EHMT1: variants seen among roughly 807,000 people sequenced by gnomAD.
EHMT1 encodes the protein histone-lysine N-methyltransferase EHMT1.
In EHMT1, 15 loss-of-function variants were observed where a neutral mutation model predicts 147.2. The observed-to-expected ratio is 0.10, with a 90% CI of 0.07 to 0.16. The LOEUF is 0.16. Among genes scored for constraint, EHMT1 ranks in the 10% least tolerant of loss-of-function variants. The probability of loss-of-function intolerance (pLI) is 1.00; values close to 1 mark genes in which losing one functional copy is unlikely to be tolerated. For missense variants in EHMT1, 1,587 were observed against 1,772.4 expected (o/e 0.90, Z 1.88); for synonymous variants, 795 against 709.6 (o/e 1.12, Z -1.91).
chr9:137,816,096 C>G (rs749332580), intron 23 of EHMT1, 34 bp downstream of exon 23: 2 of 1,577,482 alleles, frequency 1.3e-6, no homozygotes, highest in Non-Finnish European at 1.7e-6. Flanking sequence ...GCCCCACATT[C>G]TGCTCGTATT....
chr9:137,740,929 A>C (rs1314289823), intron 4 of EHMT1, among the ~76,000 whole-genome samples: 1 of 150,244 alleles, frequency 6.7e-6, no homozygotes, highest in East Asian at 1.9e-4. Context: ...CAGACTCCTC[A>C]GTAGCTGGGA....
rs532983728 is a variant in EHMT1, at chr9:137,782,001, A to G, written c.2276-290A>G. On this transcript the variant is annotated intron_variant, in intron 14 of 26. Transcript: ENST00000460843. This position sits in a 1 kb window ranked among gnomAD's most constrained non-coding sequence, Gnocchi z 5.7. ...GGCCTGGGGCGGCCATGGCCAGGCC[A>G]CACAGAAACACAGAAGGAACCTCAG... is the stretch of plus-strand genomic sequence containing the variant. 6.6e-6 allele frequency among the ~76,000 whole-genome samples: 1 copy of G among 152,286 alleles called. No homozygotes were observed. Among genetic ancestry groups the G allele is most frequent in the East Asian group, 1.9e-4 (1 of 5,178 alleles).
In EHMT1 at chr9:137,776,690, A is replaced by C. The variant is rs771385806; in HGVS notation, c.1864A>C (p.Asn622His). ...RFHKDCASRV[N>H]NASYCPHCGE... ...CCACAAAGACTGTGCCTCTCGAGTC[A>C]ATAACGCCAGCTATTGTCCCCACTG... The change falls in exon 12 of 27, where the codon AAT becomes CAT. Residue 622 changes from asparagine to histidine, a missense_variant. Physicochemically the swap from Asn to His is moderately conservative, Grantham distance 68. Coordinates refer to ENST00000460843, the MANE Select transcript of EHMT1 (RefSeq NM_024757.5). The surrounding 1 kb of genome is among the most constrained non-coding windows in gnomAD (Gnocchi z 4.4). 1 of 1,614,178 alleles carries C rather than the reference A, an allele frequency of 6.2e-7. No homozygotes were observed. Among genetic ancestry groups the C allele is most frequent in the South Asian group, 1.1e-5 (1 of 91,084 alleles).
chr9:137,666,607 A>G (rs1939681507), intron 1 of EHMT1, among the ~76,000 whole-genome samples: 1 of 152,214 alleles, frequency 6.6e-6, no homozygotes, highest in African/African-American at 2.4e-5. Context: ...CAGAAAAGGA[A>G]ATCTGTCCGC....
chr9:137,777,842 C>T lies in EHMT1; in HGVS notation c.2019-40C>T, dbSNP rs73576128. 15,099 of 1,609,644 alleles carry T rather than the reference C, an allele frequency of 9.4e-3. 1,179 individuals are homozygous for T. In the African/African-American group the frequency reaches 0.17, roughly 18 times the overall value. ...GTCAGAGTCGGAACAGGCCATGTTT[C>T]GTGTTTTCATAAACCTTTCCCCGAT... On this transcript the variant is annotated intron_variant, in intron 12 of 26. Coordinates refer to ENST00000460843, the MANE Select transcript of EHMT1 (RefSeq NM_024757.5).
chr9:137,719,694 C>T (rs1945738180), intron 3 of EHMT1, among the ~76,000 whole-genome samples: 1 of 152,208 alleles, frequency 6.6e-6, no homozygotes, highest in Non-Finnish European at 1.5e-5. Context: ...AGGATGCTGA[C>T]ATTGGTAAAG....
chr9:137,784,309 C>A, intron 15 of EHMT1: 4 of 1,409,756 alleles, frequency 2.8e-6, no homozygotes, highest in Non-Finnish European at 3.7e-6. Flanking sequence ...GCTCCATCTT[C>A]ACAGCCTCGT....
At position 137,786,651 on chromosome 9, in the gene EHMT1, C is replaced by T. The variant is rs539454634; in HGVS notation, c.2383-4197C>T. On this transcript the variant is annotated intron_variant, in intron 15 of 26. Coordinates refer to ENST00000460843, the MANE Select transcript of EHMT1 (RefSeq NM_024757.5). The surrounding 1 kb of genome is among the most constrained non-coding windows in gnomAD (Gnocchi z 4.3). ...ATCTCCCTCCAGCTCCAGTCTTGGT[C>T]GTGTGGCGTCATCTCTCCCTCCGGC... is the stretch of plus-strand genomic sequence containing the variant. The T allele has an allele frequency of 7.8e-5, 12 of 154,220 alleles. No homozygotes were observed. Among genetic ancestry groups the T allele is most frequent in the Non-Finnish European group, 1.6e-4 (11 of 69,778 alleles). 9.6% of individuals were successfully genotyped at this position (154,220 alleles called of 1,614,324 possible). A position where few individuals can be genotyped will look rare whatever the true frequency, so the allele number is the denominator to read the frequency against.
At chr9:137,815,738 C>T in intron 22 of EHMT1, 1 of 616,784 alleles carries the variant, frequency 1.6e-6, no homozygotes, top group Non-Finnish European at 3.0e-6. Flanking sequence ...CAGGGGGTCT[C>T]CACAACCTGT....
At chr9:137,638,864 G>A (rs1042129974) in intron 1 of EHMT1, among the ~76,000 whole-genome samples, 9 of 152,208 alleles carry the variant, frequency 5.9e-5, no homozygotes, top group Non-Finnish European at 1.0e-4. Flanking sequence ...TGTCAGGGAC[G>A]GCCAGCAGAC....
At chr9:137,670,127 T>G (rs1316784475) in intron 1 of EHMT1, among the ~76,000 whole-genome samples, 1 of 152,234 alleles carries the variant, frequency 6.6e-6, no homozygotes, top group African/African-American at 2.4e-5. Flanking sequence ...CCCAAAGTGC[T>G]GGGATTACAG....
intron 1 of EHMT1, among the ~76,000 whole-genome samples, chr9:137,670,322 G>A (rs1173767345): frequency 1.3e-5 from 2 of 151,916 alleles, no homozygotes; most frequent in Admixed American, 6.6e-5. Flanking sequence ...CCACCCCCAG[G>A]GCAACAAAAC....
chr9:137,684,057 CAG>C (rs1475099606), intron 1 of EHMT1, among the ~76,000 whole-genome samples: 1 of 151,620 alleles, frequency 6.6e-6, no homozygotes, highest in African/African-American at 2.4e-5. Flanking sequence ...TTTTTTGAGA[CAG>C]GGCCTCACTC....
chr9:137,715,729 G>A, intron 2 of EHMT1: 1 of 985,408 alleles, frequency 1.0e-6, no homozygotes, highest in Non-Finnish European at 1.2e-6. Flanking sequence ...AGCCTCTGTA[G>A]GGAGTGGAGA....
chr9:137,818,013 A>G, intron 24 of EHMT1, 47 bp from the exon 25 acceptor site: 3 of 1,585,438 alleles, frequency 1.9e-6, no homozygotes, highest in Admixed American at 1.7e-5. Flanking sequence ...GTCTGTGGGC[A>G]GTGCTCGCTG....
Position 137,710,997 on chromosome 9 carries a change from G to A in EHMT1, c.52G>A (p.Asp18Asn), listed in dbSNP as rs1453706370. ...TCCGGCGAGGGGGGAGCCTCAGCAG[G>A]ATTGCTGTGTGAAAACCGAGCTGCT... ...AVPARGEPQQ[D>N]CCVKTELLGE... is the part of the protein sequence containing the mutation. Residue 18 changes from aspartate (D) to asparagine (N), a missense_variant, in exon 2 of 27, where the codon GAT (aspartate) becomes AAT (asparagine). Asp to Asn is a conservative substitution (Grantham distance 23, BLOSUM62 1). Coordinates refer to ENST00000460843, the MANE Select transcript of EHMT1 (RefSeq NM_024757.5). The A allele has an allele frequency of 2.5e-6, 4 of 1,599,504 alleles. No individual in the cohort carries two copies. The highest frequency in any genetic ancestry group is 2.6e-6 in the Non-Finnish European group (3 of 1,173,714).
chr9:137,622,674 T>C (rs1843004984), intron 1 of EHMT1, among the ~76,000 whole-genome samples: 1 of 152,108 alleles, frequency 6.6e-6, no homozygotes, highest in Non-Finnish European at 1.5e-5. Context: ...GAGGCCGAGA[T>C]GAGAGGATCC....
intron 3 of EHMT1, among the ~76,000 whole-genome samples, chr9:137,726,301 A>G (rs975973327): frequency 3.9e-5 from 6 of 152,206 alleles, no homozygotes; most frequent in African/African-American, 1.4e-4. Context: ...GTCCCTGGCA[A>G]TACCATTCTA....
intron 1 of EHMT1, among the ~76,000 whole-genome samples, chr9:137,640,792 T>C (rs553094311): frequency 2.0e-5 from 3 of 152,152 alleles, no homozygotes; most frequent in Non-Finnish European, 4.4e-5. Flanking sequence ...GGGATAAAAA[T>C]GAGTTTGAAA....
Sources: gnomAD v4.1 joint callset for allele counts (sites outside exome capture counted in the v4.1 genomes callset) on GRCh38, gnomAD v4.1.1 for gene constraint, Gnocchi (gnomAD v3.1) non-coding constraint, MANE v1.5 for transcripts, NCBI Gene and HGNC (gene_info 2026-07-23, HGNC 2026-07-21) for gene names.